Variants in UNC13A observed in about 807,000 individuals in gnomAD.
UNC13A encodes the protein unc-13 homolog A, also known as protein unc-13 homolog A.
A neutral mutation model predicts 219.7 loss-of-function variants in UNC13A; 61 were observed. That is an observed-to-expected ratio of 0.28 (90% confidence interval 0.23 to 0.34). UNC13A has a LOEUF of 0.34. UNC13A is among the 10% of genes least tolerant of loss of function. The probability of loss-of-function intolerance (pLI) is 1.00; values close to 1 mark genes in which losing one functional copy is unlikely to be tolerated. For synonymous variants in UNC13A, 920 were observed against 884.6 expected, an observed-to-expected ratio of 1.04 and a Z score of -0.71; for missense variants, 1,476 against 2,270.3, an observed-to-expected ratio of 0.65 and a Z score of 7.11.
Position 17,649,374 on chromosome 19 carries a change from G to A in UNC13A, c.1519-30C>T, listed in dbSNP as rs781405837. ...AGTGTCCACGCAGCACATGGGGGTA[G>A]AAATCAGACTACATTAGTCTCAGAG... On this transcript the variant is annotated intron_variant, in intron 13 of 43. Transcript: ENST00000519716. This position sits in a 1 kb window ranked among gnomAD's most constrained non-coding sequence, Gnocchi z 4.4. The A allele has an allele frequency of 6.2e-7, 1 of 1,608,040 alleles. No individual in the cohort carries two copies. The highest frequency in any genetic ancestry group is 8.5e-7 in the Non-Finnish European group (1 of 1,178,316).
chr19:17,643,166 C>T (rs981386947), intron 19 of UNC13A, among the ~76,000 whole-genome samples: 6 of 152,018 alleles, frequency 3.9e-5, no homozygotes, highest in African/African-American at 9.7e-5. Flanking sequence ...TGCCTGCCAC[C>T]GTGCCCAGCT....
At chr19:17,686,826 G>T (rs1156571034) in intron 1 of UNC13A, among the ~76,000 whole-genome samples, 1 of 151,872 alleles carries the variant, frequency 6.6e-6, no homozygotes, top group Non-Finnish European at 1.5e-5. Flanking sequence ...CGAGGGGGAG[G>T]GGAGGGAGGA....
intron 4 of UNC13A, among the ~76,000 whole-genome samples, chr19:17,671,356 G>A (rs2079784125): frequency 6.6e-6 from 1 of 152,176 alleles, no homozygotes; most frequent in Non-Finnish European, 1.5e-5. Context: ...GGCCTCCCAA[G>A]GCAGATGGAC....
intron 17 of UNC13A, 91 bp downstream of exon 17, chr19:17,647,174 A>C: frequency 1.6e-6 from 2 of 1,252,220 alleles, no homozygotes; most frequent in Non-Finnish European, 2.2e-6. Flanking sequence ...TGCGCGCTGC[A>C]AAGGAGAGGG....
At chr19:17,629,400 A>G in intron 30 of UNC13A, 77 bp from the exon 31 acceptor site, 2 of 1,318,040 alleles carry the variant, frequency 1.5e-6, no homozygotes, top group South Asian at 2.5e-5. Flanking sequence ...CAAGGCCACT[A>G]GTGAGATCAG....
At chr19:17,632,255 T>C (rs915219496) in intron 28 of UNC13A, among the ~76,000 whole-genome samples, 2 of 152,134 alleles carry the variant, frequency 1.3e-5, no homozygotes, top group African/African-American at 4.8e-5. Context: ...CTATTGGCTA[T>C]GCTGGTCTCG....
intron 20 of UNC13A, among the ~76,000 whole-genome samples, chr19:17,642,091 C>T (rs2076977316): frequency 6.6e-6 from 1 of 151,098 alleles, no homozygotes; most frequent in South Asian, 2.1e-4. Context: ...AACAAATTCA[C>T]CTATCTACTC....
chr19:17,656,392 C>G lies in UNC13A; in HGVS notation c.774G>C (p.Thr258=), dbSNP rs755534618. The G allele has an allele frequency of 6.6e-7, 1 of 1,526,648 alleles. No homozygotes were observed. The highest frequency in any genetic ancestry group is 2.0e-5 in the Admixed American group (1 of 50,292). 94.6% of individuals were successfully genotyped at this position (1,526,648 alleles called of 1,614,324 possible). The change falls in exon 10 of 44, where the codon ACG becomes ACC. Residue 258 remains threonine, a synonymous_variant. Coordinates refer to ENST00000519716, the MANE Select transcript of UNC13A (RefSeq NM_001080421.3). ...EFSEPQALSP[T]GSSRYASSGE... ...CGGAAGAGGCATAGCGGCTGCTACCCGTGGGGCTGTGGGGATGGAACAGGG... is the reference window on the plus strand; with the variant it reads ...CGGAAGAGGCATAGCGGCTGCTACCGGTGGGGCTGTGGGGATGGAACAGGG...
chr19:17,656,007 T>C lies in UNC13A; in HGVS notation c.1159A>G (p.Lys387Glu), dbSNP rs777339982. The change falls in exon 10 of 44, where the codon AAG becomes GAG. Residue 387 changes from lysine (K) to glutamate (E), a missense_variant. Around this residue, in one of 14 missense-constraint regions of UNC13A, gnomAD observed 351 missense variants for 342.6 expected, o/e 1.02. Transcript: ENST00000519716. ...GCCTCGGTGGGTGCCACTGGGGCCT[T>C]GTCCTCCTTCCCTGGGGCAGCTGGC... ...LPPAAPGKED[K>E]APVAPTEAPD... 6.3e-7 allele frequency: 1 copy of C among 1,581,252 alleles called. No individual in the cohort carries two copies. The highest frequency in any genetic ancestry group is 1.3e-5 in the African/African-American group (1 of 74,446).
At chr19:17,635,118 G>A (rs1157840961) in intron 26 of UNC13A, among the ~76,000 whole-genome samples, 2 of 151,960 alleles carry the variant, frequency 1.3e-5, no homozygotes, top group East Asian at 3.9e-4. Flanking sequence ...CGCCTGCCTC[G>A]GCCTCCCAAA....
At chr19:17,636,212 G>A in intron 25 of UNC13A, 55 bp from the exon 26 acceptor site, 1 of 1,529,614 alleles carries the variant, frequency 6.5e-7, no homozygotes, top group Non-Finnish European at 8.8e-7. Context: ...TGGTGCCTCG[G>A]TCAGTTTATT....
Position 17,605,824 on chromosome 19 carries a change from G to A in UNC13A, c.*230C>T, listed in dbSNP as rs1300900861. 3 of 459,940 alleles carry A rather than the reference G, an allele frequency of 6.5e-6. No homozygotes were observed. Among genetic ancestry groups the A allele is most frequent in the African/African-American group, 6.2e-5 (3 of 48,574 alleles). 28.5% of individuals were successfully genotyped at this position (459,940 alleles called of 1,614,324 possible). A position where few individuals can be genotyped will look rare whatever the true frequency, so the allele number is the denominator to read the frequency against. On this transcript the variant is annotated 3_prime_UTR_variant, in exon 44 of 44. Coordinates refer to ENST00000519716, the MANE Select transcript of UNC13A (RefSeq NM_001080421.3). ...GGGCGTGGCCTCAAGTTGGGGATGT[G>A]GCTCCTTCCTTCGTCGCGCCCTTGG...
intron 42 of UNC13A, among the ~76,000 whole-genome samples, chr19:17,610,922 A>C (rs1291698817): frequency 6.6e-6 from 1 of 151,642 alleles, no homozygotes; most frequent in East Asian, 2.0e-4. Context: ...AATCCCAGCG[A>C]CTCCGGAAGC....
chr19:17,609,804 G>T, intron 43 of UNC13A, 136 bp downstream of exon 43: 1 of 1,265,844 alleles, frequency 7.9e-7, no homozygotes, highest in Non-Finnish European at 1.1e-6. Flanking sequence ...TCCCTTTCCA[G>T]CACCCCCACC....
rs1458840141 is a variant in UNC13A at position 17,602,323 on chromosome 19, C to G, written c.*3731G>C. Reference sequence around the variant, plus strand: ...TCTATGTCTCTCTCCATCTCTGTCTCTCTCCGTCCTCATCGGGGCGTGATC... The same window carrying G: ...TCTATGTCTCTCTCCATCTCTGTCTGTCTCCGTCCTCATCGGGGCGTGATC... On this transcript the variant is annotated 3_prime_UTR_variant, in exon 44 of 44. Coordinates refer to ENST00000519716, the MANE Select transcript of UNC13A (RefSeq NM_001080421.3). The G allele has an allele frequency of 6.6e-6, 1 of 152,466 alleles. No individual in the cohort carries two copies. The highest frequency in any genetic ancestry group is 1.5e-5 in the Non-Finnish European group (1 of 68,162). 9.4% of individuals were successfully genotyped at this position (152,466 alleles called of 1,614,324 possible). A position where few individuals can be genotyped will look rare whatever the true frequency, so the allele number is the denominator to read the frequency against.
In UNC13A at chr19:17,639,841, C is replaced by T. The variant is rs776564896; in HGVS notation, c.2855G>A (p.Arg952Gln). Reference sequence around the variant, plus strand: ...AATTCTCATGCACACACTTCCTACCCGGTACATGGAGAGGTCAATCCGCAG... The same window carrying T: ...AATTCTCATGCACACACTTCCTACCTGGTACATGGAGAGGTCAATCCGCAG... ...NSLRIDLSMY[R>Q]NNFPASSPER... Residue 952 changes from arginine to glutamine, a missense_variant and splice_region_variant, in exon 23 of 44, where the codon CGG becomes CAG. Physicochemically the swap from Arg to Gln is conservative, Grantham distance 43. This residue lies in a region of UNC13A where 140 missense variants were observed against 270.9 expected (regional missense o/e 0.52). Transcript: ENST00000519716. The T allele has an allele frequency of 9.9e-6, 16 of 1,613,600 alleles. No homozygotes were observed. Among genetic ancestry groups the T allele is most frequent in the Non-Finnish European group, 3.4e-6 (4 of 1,179,808 alleles).
In UNC13A at chr19:17,641,446, A is replaced by G; in HGVS notation, c.2583T>C (p.Ile861=). Residue 861 remains isoleucine (I), a synonymous_variant, in exon 21 of 44, where the codon ATT becomes ATC. Transcript: ENST00000519716. The part of the protein sequence containing the change: ...KVYYDETAQE[I]VDEFAMRYGV... The stretch of plus-strand genomic sequence containing the variant: ...CGTAGCGCATGGCAAACTCGTCCAC[A>G]ATCTCCTGGGCTGTCTCATCGTAGT... The G allele has an allele frequency of 1.2e-6, 2 of 1,614,014 alleles. No individual in the cohort carries two copies. The highest frequency in any genetic ancestry group is 8.5e-7 in the Non-Finnish European group (1 of 1,179,984).
Position 17,623,147 on chromosome 19 carries a change from G to C in UNC13A, c.4203+395C>G, listed in dbSNP as rs368801710. On this transcript the variant is annotated intron_variant, in intron 36 of 43. Transcript: ENST00000519716. ...ATTCTGGGAAGCTGCTGACAGTTCA[G>C]AGCCCAAAGAGGAGGTCAGAGGAAT... 2.2e-4 allele frequency: 48 copies of C among 215,754 alleles called. No individual in the cohort carries two copies. The East Asian group carries it at 3.6e-3, about 16-fold the overall frequency. 13.4% of individuals were successfully genotyped at this position (215,754 alleles called of 1,614,324 possible). A position where few individuals can be genotyped will look rare whatever the true frequency, so the allele number is the denominator to read the frequency against.
intron 25 of UNC13A, 100 bp from the exon 26 acceptor site, chr19:17,636,257 C>T (rs2076912444): frequency 2.9e-6 from 4 of 1,369,028 alleles, no homozygotes; most frequent in Admixed American, 4.9e-5. Flanking sequence ...GAATGCATCC[C>T]ATCATCATGT....
Sources: gnomAD v4.1 joint callset for allele counts (sites outside exome capture counted in the v4.1 genomes callset) on GRCh38, gnomAD v4.1.1 for gene constraint, gnomAD v4.1.1 regional missense constraint, Gnocchi (gnomAD v3.1) non-coding constraint, MANE v1.5 for transcripts, NCBI Gene and HGNC (gene_info 2026-07-23, HGNC 2026-07-21) for gene names.